Variants in TENM3 observed in about 807,000 individuals in gnomAD.
TENM3 encodes teneurin-3.
In TENM3, 63 loss-of-function variants were observed where a neutral mutation model predicts 255.1. That is an observed-to-expected ratio of 0.25 (90% confidence interval 0.20 to 0.30). The LOEUF is 0.30. Among genes scored for constraint, TENM3 ranks in the 10% least tolerant of loss-of-function variants. The pLI is 1.00. For synonymous variants in TENM3, 1,306 were observed against 1,322.3 expected (o/e 0.99, Z 0.27); for missense variants, 2,929 against 3,461.1 (o/e 0.85, Z 3.86).
chr4:182,471,666 T>C (rs1432689386), intron 3 of TENM3, among the ~76,000 whole-genome samples: 1 of 152,042 alleles, frequency 6.6e-6, no homozygotes, highest in Non-Finnish European at 1.5e-5. Context: ...TATATGTTTA[T>C]AACATGTATA....
At chr4:182,175,040 T>C (rs1024669586) in intron 1 of TENM3, among the ~76,000 whole-genome samples, 7 of 152,112 alleles carry the variant, frequency 4.6e-5, no homozygotes, top group Non-Finnish European at 8.8e-5. Flanking sequence ...GGTTTGCAGG[T>C]GTGAGGATTA....
At chr4:182,216,404 C>T (rs1384369318) in intron 1 of TENM3, among the ~76,000 whole-genome samples, 3 of 152,158 alleles carry the variant, frequency 2.0e-5, no homozygotes, top group African/African-American at 4.8e-5. Flanking sequence ...CTTGCAGTTC[C>T]ACTGCACTAG....
the TENM3 span, among the ~76,000 whole-genome samples, chr4:181,512,124 T>G: frequency 6.6e-6 from 1 of 152,164 alleles, no homozygotes; most frequent in African/African-American, 2.4e-5. Flanking sequence ...ACATCCCAGA[T>G]AGGCCAAGCT....
intron 5 of TENM3, among the ~76,000 whole-genome samples, chr4:182,646,865 G>A (rs755118996): frequency 6.6e-6 from 1 of 152,186 alleles, no homozygotes; most frequent in Non-Finnish European, 1.5e-5. Context: ...AGTGTGTGCT[G>A]AGGAAGTATG....
the TENM3 span, among the ~76,000 whole-genome samples, chr4:181,798,203 T>C: frequency 2.6e-5 from 4 of 152,272 alleles, no homozygotes; most frequent in African/African-American, 9.6e-5. Flanking sequence ...ACCAACCTCT[T>C]ATTTTACAAA....
chr4:181,676,708 A>G, the TENM3 span, among the ~76,000 whole-genome samples: 243 of 152,284 alleles, frequency 1.6e-3, 2 homozygotes, highest in African/African-American at 5.3e-3. Flanking sequence ...AAATGAAAGG[A>G]GATTATTTAT....
the TENM3 span, among the ~76,000 whole-genome samples, chr4:182,081,301 G>A: frequency 3.3e-5 from 5 of 152,058 alleles, no homozygotes; most frequent in Admixed American, 2.6e-4. Context: ...CTCAGGCCAG[G>A]TGTGGTGGCT....
intron 1 of TENM3, among the ~76,000 whole-genome samples, chr4:182,214,549 G>C (rs1340862755): frequency 2.5e-5 from 3 of 120,234 alleles, no homozygotes; most frequent in Non-Finnish European, 5.3e-5. Context: ...TTTATTTTTA[G>C]GGACGGGGGT....
the TENM3 span, among the ~76,000 whole-genome samples, chr4:181,674,205 C>T: frequency 1.3e-5 from 2 of 152,024 alleles, no homozygotes; most frequent in Admixed American, 1.3e-4. Context: ...ACCATGTTGC[C>T]CAGGCTGGTC....
chr4:182,074,749 T>G, the TENM3 span, among the ~76,000 whole-genome samples: 1 of 152,100 alleles, frequency 6.6e-6, no homozygotes, highest in East Asian at 1.9e-4. Flanking sequence ...TAGAATTAAA[T>G]CAGAGGTCAT....
intron 16 of TENM3, among the ~76,000 whole-genome samples, chr4:182,731,855 C>T (rs944331962): frequency 3.3e-5 from 5 of 151,036 alleles, no homozygotes; most frequent in Non-Finnish European, 5.9e-5. Context: ...GATCTCGGCT[C>T]ACTGCAAGCT....
chr4:181,543,075 A>C, the TENM3 span, among the ~76,000 whole-genome samples: 1 of 152,352 alleles, frequency 6.6e-6, no homozygotes, highest in African/African-American at 2.4e-5. Flanking sequence ...TCTACTGTGA[A>C]ATTTGAGCAA....
At chr4:182,499,330 T>G (rs1270215808) in intron 3 of TENM3, among the ~76,000 whole-genome samples, 1 of 152,242 alleles carries the variant, frequency 6.6e-6, no homozygotes, top group African/African-American at 2.4e-5. Flanking sequence ...AATTACGCTC[T>G]GAAGTGTTGG....
chr4:181,618,605 T>A, the TENM3 span, among the ~76,000 whole-genome samples: 128 of 152,316 alleles, frequency 8.4e-4, 3 homozygotes, highest in East Asian at 0.024. Context: ...GCAATAAAGT[T>A]CTATAGGTAG....
chr4:181,816,250 G>A, the TENM3 span, among the ~76,000 whole-genome samples: 2 of 152,074 alleles, frequency 1.3e-5, no homozygotes, highest in Admixed American at 1.3e-4. Flanking sequence ...TCCAGTCTTT[G>A]AGGAGCAGGT....
intron 1 of TENM3, among the ~76,000 whole-genome samples, chr4:182,231,513 C>T (rs924720333): frequency 2.0e-5 from 3 of 152,184 alleles, no homozygotes; most frequent in Admixed American, 6.5e-5. Flanking sequence ...TGCCCATTTG[C>T]TCAGCTTTAT....
At chr4:181,644,031 A>T in the TENM3 span, among the ~76,000 whole-genome samples, 514 of 149,556 alleles carry the variant, frequency 3.4e-3, 1 homozygote, top group Admixed American at 7.0e-3. Context: ...AGCCACGGTC[A>T]TGCCACTGCA....
chr4:182,174,083 A>G (rs1371336405), intron 1 of TENM3, among the ~76,000 whole-genome samples: 1 of 152,160 alleles, frequency 6.6e-6, no homozygotes, highest in Non-Finnish European at 1.5e-5. Context: ...TTACACAGAA[A>G]TTAAGATTAA....
intron 10 of TENM3, among the ~76,000 whole-genome samples, chr4:182,681,010 C>T (rs1004038244): frequency 1.2e-4 from 18 of 152,118 alleles, no homozygotes; most frequent in African/African-American, 3.4e-4. Context: ...AAACTAACAG[C>T]GGACGGTTGA....
Sources: allele counts gnomAD v4.1 joint callset (sites outside exome capture counted in the v4.1 genomes callset), GRCh38; gene constraint gnomAD v4.1.1; transcripts MANE v1.5; gene names NCBI Gene and HGNC (gene_info 2026-07-23, HGNC 2026-07-21).